Variants in NRP2 observed in about 807,000 individuals in gnomAD.
The protein encoded by NRP2 is neuropilin-2.
Under a neutral mutation model 110.4 loss-of-function variants are expected in NRP2, and 52 were observed. The ratio of observed to expected loss-of-function variants is 0.47; its 90% CI spans 0.38 to 0.59. NRP2 has a LOEUF of 0.59. NRP2 is among the 20% of genes least tolerant of loss of function. The pLI is 0.00. For synonymous variants in NRP2, 508 were observed against 468.9 expected (o/e 1.08, Z -1.08); for missense variants, 1,049 against 1,203.0 (o/e 0.87, Z 1.89).
At chr2:205,736,032 A>G (rs1356943717) in intron 7 of NRP2, among the ~76,000 whole-genome samples, 2 of 152,212 alleles carry the variant, frequency 1.3e-5, no homozygotes, top group Non-Finnish European at 2.9e-5. Context: ...CCATACTAAG[A>G]TCTTTCTTTT....
chr2:205,690,052 G>A (rs781156470), intron 1 of NRP2, among the ~76,000 whole-genome samples: 16 of 152,238 alleles, frequency 1.1e-4, no homozygotes, highest in African/African-American at 7.2e-5. Flanking sequence ...GAGTGCACGT[G>A]GCCGTGGTAC....
intron 4 of NRP2, among the ~76,000 whole-genome samples, chr2:205,723,469 C>T (rs538534562): frequency 5.9e-5 from 9 of 152,300 alleles, no homozygotes; most frequent in East Asian, 3.9e-4. Context: ...AAATCACATG[C>T]GCTCTCCAAA....
At chr2:205,748,877 A>C (rs2057589119) in intron 10 of NRP2, among the ~76,000 whole-genome samples, 1 of 152,216 alleles carries the variant, frequency 6.6e-6, no homozygotes, top group Admixed American at 6.5e-5. Context: ...GGCATGAGCA[A>C]ATAAGCAAAT....
At chr2:205,727,406 G>C (rs944157718) in intron 6 of NRP2, among the ~76,000 whole-genome samples, 6 of 152,314 alleles carry the variant, frequency 3.9e-5, no homozygotes, top group African/African-American at 1.4e-4. Context: ...AGTGACCTGA[G>C]CAACTAAATA....
chr2:205,729,564 G>C (rs973009282), intron 7 of NRP2, among the ~76,000 whole-genome samples: 1 of 152,196 alleles, frequency 6.6e-6, no homozygotes, highest in South Asian at 2.1e-4. Flanking sequence ...TGGTCCCCGG[G>C]GAGAGGAGTG....
At chr2:205,698,217 A>AG (rs1375897926) in intron 2 of NRP2, among the ~76,000 whole-genome samples, 3 of 147,602 alleles carry the variant, frequency 2.0e-5, no homozygotes, top group African/African-American at 7.4e-5. Flanking sequence ...GAAAAAAAAA[A>AG]GGGTAAAAAA....
intron 15 of NRP2, chr2:205,779,247 T>C (rs942478251): frequency 2.6e-5 from 4 of 152,218 alleles, no homozygotes; most frequent in African/African-American, 9.6e-5. Context: ...GAAGCCCTTA[T>C]TTCTGGGTTG....
rs2057526458 is a variant in NRP2, at chr2:205,745,762, T to C, written c.1658T>C (p.Met553Thr). The change falls in exon 10 of 17, where the codon ATG becomes ACG. Residue 553 changes from methionine to threonine, a missense_variant. By Grantham distance (81) the Met-to-Thr change is moderately conservative. Coordinates refer to ENST00000357785, the MANE Select transcript of NRP2 (RefSeq NM_003872.3). ...TQQPKLFEGN[M>T]HYDTPDIRRF... ...TCCCTGCAGCTGTTCGAAGGGAACA[T>C]GCACTATGACACCCCTGACATCCGA... The C allele has an allele frequency of 6.2e-7, 1 of 1,614,072 alleles. No individual in the cohort carries two copies.
intron 7 of NRP2, among the ~76,000 whole-genome samples, chr2:205,738,236 T>C (rs62172964): frequency 0.021 from 3,156 of 152,288 alleles, 50 homozygotes; most frequent in Non-Finnish European, 0.031. Context: ...TTTCACCCAA[T>C]GTGAACTCCT....
rs11280948 is a variant in NRP2 at position 205,795,361 on chromosome 2, GTATTATTATTATTAT to G, written c.*319_*333del. On this transcript the variant is annotated 3_prime_UTR_variant, in exon 17 of 17. Transcript: ENST00000357785. ...ACAGTTCTATTTTGTTTGTGAGTTTGTATTATTATTATTATTATTATTATTATTATATTTTATTTC... is the reference window on the plus strand; with the variant it reads ...ACAGTTCTATTTTGTTTGTGAGTTTGTATTATTATTATTATATTTTATTTC... 6.8e-6 allele frequency: 1 copy of G among 146,544 alleles called. No homozygotes were observed. Among genetic ancestry groups the G allele is most frequent in the Admixed American group, 6.8e-5 (1 of 14,678 alleles). 9.1% of individuals were successfully genotyped at this position (146,544 alleles called of 1,614,324 possible).
chr2:205,683,576 G>A (rs2056068264), intron 1 of NRP2, among the ~76,000 whole-genome samples: 1 of 152,018 alleles, frequency 6.6e-6, no homozygotes, highest in Admixed American at 6.6e-5. Context: ...GTGTGTGTGT[G>A]TGTGTGTGTG....
At chr2:205,713,106 A>C (rs1459168389) in intron 2 of NRP2, among the ~76,000 whole-genome samples, 1 of 152,164 alleles carries the variant, frequency 6.6e-6, no homozygotes. Flanking sequence ...CAAGCTTGTA[A>C]CAGTGGCATT....
chr2:205,755,920 C>T (rs187786152), intron 12 of NRP2, among the ~76,000 whole-genome samples: 2 of 152,262 alleles, frequency 1.3e-5, no homozygotes. Flanking sequence ...GAGGAGCTAG[C>T]CGTGTTGAAG....
intron 11 of NRP2, chr2:205,752,451 C>CT: frequency 3.1e-6 from 1 of 319,352 alleles, no homozygotes; most frequent in Non-Finnish European, 6.0e-6. Flanking sequence ...TGAGATAATA[C>CT]TTTTTTTGGG....
At chr2:205,697,031 T>C (rs2056443647) in intron 1 of NRP2, among the ~76,000 whole-genome samples, 1 of 152,142 alleles carries the variant, frequency 6.6e-6, no homozygotes, top group African/African-American at 2.4e-5. Context: ...CCACATGTAA[T>C]TGTTACCAGG....
chr2:205,795,148 C>T lies in NRP2; in HGVS notation c.*90C>T. ...TTTTTTTCCTTTGGAAACTGAATGC[C>T]ATAATCTCGATCAAACCGATCCAGA... On this transcript the variant is annotated 3_prime_UTR_variant, in exon 17 of 17. Transcript: ENST00000357785. The T allele has an allele frequency of 8.0e-7, 1 of 1,257,122 alleles. No homozygotes were observed. Among genetic ancestry groups the T allele is most frequent in the East Asian group, 2.5e-5 (1 of 39,802 alleles). The allele number at this position is 1,257,122 out of a possible 1,614,324, so 77.9% of individuals were successfully genotyped here.
At chr2:205,768,307 G>A (rs1272621860) in intron 15 of NRP2, 2 of 152,168 alleles carry the variant, frequency 1.3e-5, no homozygotes, top group Non-Finnish European at 2.9e-5. Flanking sequence ...GATTACAGTC[G>A]AATTCGAGTT....
intron 16 of NRP2, among the ~76,000 whole-genome samples, chr2:205,792,551 A>C (rs749676306): frequency 2.5e-4 from 38 of 152,190 alleles, no homozygotes; most frequent in Non-Finnish European, 3.8e-4. Context: ...TGGACTTTGA[A>C]TCTGAATAAA....
At chr2:205,737,848 G>A (rs1021168525) in intron 7 of NRP2, among the ~76,000 whole-genome samples, 4 of 152,166 alleles carry the variant, frequency 2.6e-5, no homozygotes, top group Non-Finnish European at 5.9e-5. Context: ...GCTACTGTAA[G>A]CAGAGATTAG....
Sources: gnomAD v4.1 joint callset for allele counts (sites outside exome capture counted in the v4.1 genomes callset) on GRCh38, gnomAD v4.1.1 for gene constraint, MANE v1.5 for transcripts, NCBI Gene and HGNC (gene_info 2026-07-23, HGNC 2026-07-21) for gene names.